Variants in MME observed in about 807,000 individuals in gnomAD.
MME encodes the protein membrane metalloendopeptidase.
A neutral mutation model predicts 113.2 loss-of-function variants in MME; 98 were observed. That is an observed-to-expected ratio of 0.87 (90% CI 0.74 to 1.02). The LOEUF is 1.02. Among genes scored for constraint, MME ranks in the 50% least tolerant of loss-of-function variants. MME has a pLI of 0.00. For missense variants in MME, 836 were observed against 896.0 expected (o/e 0.93, Z 0.86); for synonymous variants, 292 against 300.6 (o/e 0.97, Z 0.30).
chr3:155,048,978 T>C (rs1713658927), intron 1 of MME, among the ~76,000 whole-genome samples: 3 of 152,182 alleles, frequency 2.0e-5, no homozygotes, highest in South Asian at 4.1e-4. Flanking sequence ...TTAACATGTT[T>C]AACTTATTCA....
chr3:155,057,717 G>A (rs987510521), intron 1 of MME, among the ~76,000 whole-genome samples: 1 of 149,304 alleles, frequency 6.7e-6, no homozygotes, highest in Non-Finnish European at 1.5e-5. Context: ...CTAAATTGTG[G>A]TGACTTTGAG....
intron 22 of MME, 110 bp downstream of exon 22, chr3:155,172,722 G>GTT: frequency 6.7e-6 from 5 of 747,866 alleles, no homozygotes; most frequent in Admixed American, 2.4e-5. Flanking sequence ...GAAATTCAGT[G>GTT]CTTTTTTTTT....
chr3:155,141,022 A>C (rs1375766516), intron 10 of MME, among the ~76,000 whole-genome samples: 1 of 152,176 alleles, frequency 6.6e-6, no homozygotes, highest in African/African-American at 2.4e-5. Context: ...TTCCTTACCT[A>C]GTATCCAATA....
At chr3:155,178,632 G>A (rs950757458) in intron 22 of MME, among the ~76,000 whole-genome samples, 1 of 152,072 alleles carries the variant, frequency 6.6e-6, no homozygotes. Flanking sequence ...CAGCATCTGT[G>A]GGGGTTTGGT....
chr3:155,106,758 A>G (rs1446072762), intron 3 of MME, among the ~76,000 whole-genome samples: 2 of 152,238 alleles, frequency 1.3e-5, no homozygotes, highest in African/African-American at 4.8e-5. Flanking sequence ...ATTGCCTAGA[A>G]GTAATATCAA....
chr3:155,110,384 G>C (rs61763235), intron 3 of MME, among the ~76,000 whole-genome samples: 1,776 of 152,246 alleles, frequency 0.012, 23 homozygotes, highest in South Asian at 0.021. Flanking sequence ...GGTCTGTCTG[G>C]GTTAAAAGAG....
chr3:155,048,188 G>C (rs547287444), intron 1 of MME, among the ~76,000 whole-genome samples: 2 of 152,236 alleles, frequency 1.3e-5, no homozygotes, highest in South Asian at 4.1e-4. Flanking sequence ...TACAGAATTA[G>C]AAAACTTCTC....
At chr3:155,049,956 G>C (rs1713701292) in intron 1 of MME, among the ~76,000 whole-genome samples, 1 of 152,004 alleles carries the variant, frequency 6.6e-6, no homozygotes, top group Non-Finnish European at 1.5e-5. Flanking sequence ...TACCCAAAAG[G>C]TATTTTTTCT....
chr3:155,108,208 A>T (rs373050228), intron 3 of MME, among the ~76,000 whole-genome samples: 59 of 152,336 alleles, frequency 3.9e-4, no homozygotes, highest in African/African-American at 1.3e-3. Context: ...ACTCATATAA[A>T]TAACTAGAAT....
chr3:155,142,386 A>T, intron 12 of MME, 56 bp downstream of exon 12: 1 of 1,415,002 alleles, frequency 7.1e-7, no homozygotes, highest in East Asian at 2.3e-5. Flanking sequence ...ATACATGGTT[A>T]TGAAGGCTTA....
At chr3:155,154,636 C>T (rs1037676478) in intron 16 of MME, among the ~76,000 whole-genome samples, 5 of 152,200 alleles carry the variant, frequency 3.3e-5, no homozygotes, top group African/African-American at 1.2e-4. Context: ...AAGTACCTCG[C>T]TTCTTTCTAA....
chr3:155,040,083 G>GT, intron 1 of MME, among the ~76,000 whole-genome samples: 1 of 152,084 alleles, frequency 6.6e-6, no homozygotes, highest in East Asian at 1.9e-4. Context: ...AACAAAGTGG[G>GT]TTTTTTCCAA....
chr3:155,180,204 G>T (rs1712943906), intron 22 of MME, among the ~76,000 whole-genome samples, 156 bp from the exon 23 acceptor site: 1 of 152,170 alleles, frequency 6.6e-6, no homozygotes, highest in Admixed American at 6.5e-5. Context: ...TTCTGTTAAT[G>T]AGAAGGCACT....
At chr3:155,085,960 C>T (rs1715684288) in intron 3 of MME, among the ~76,000 whole-genome samples, 1 of 152,138 alleles carries the variant, frequency 6.6e-6, no homozygotes, top group Non-Finnish European at 1.5e-5. Context: ...GATAGAAGGA[C>T]ACATTATGGA....
At chr3:155,030,142 A>G (rs1422338386) in intron 1 of MME, among the ~76,000 whole-genome samples, 1 of 152,188 alleles carries the variant, frequency 6.6e-6, no homozygotes, top group African/African-American at 2.4e-5. Flanking sequence ...AAAAGGGAAT[A>G]GGTAAAGATT....
intron 8 of MME, among the ~76,000 whole-genome samples, chr3:155,123,565 C>G (rs1719340706): frequency 1.4e-5 from 1 of 70,994 alleles, no homozygotes; most frequent in Non-Finnish European, 3.0e-5. Context: ...ACCGGTTGTT[C>G]CTTTCCATGT....
intron 3 of MME, among the ~76,000 whole-genome samples, chr3:155,103,234 A>G (rs1717411789): frequency 6.6e-6 from 1 of 152,248 alleles, no homozygotes; most frequent in Non-Finnish European, 1.5e-5. Context: ...TAAGTTACCA[A>G]TAAATATTGA....
chr3:155,172,065 A>G (rs1386973419), intron 20 of MME, 52 bp from the exon 21 acceptor site: 2 of 1,062,088 alleles, frequency 1.9e-6, no homozygotes, highest in East Asian at 2.5e-5. Flanking sequence ...ATAGGTTTAT[A>G]TATAACCTTA....
chr3:155,145,795 G>T (rs1426515487), intron 14 of MME, among the ~76,000 whole-genome samples: 1 of 152,064 alleles, frequency 6.6e-6, no homozygotes, highest in African/African-American at 2.4e-5. Flanking sequence ...TGTAGAATTT[G>T]TATCCTTTAG....
Sources: gnomAD v4.1 joint callset for allele counts (sites outside exome capture counted in the v4.1 genomes callset) on GRCh38, gnomAD v4.1.1 for gene constraint, MANE v1.5 for transcripts, NCBI Gene and HGNC (gene_info 2026-07-23, HGNC 2026-07-21) for gene names.